The following BIRC5 variants were observed in gnomAD, a reference collection of about 807,000 sequenced individuals.
BIRC5 encodes the protein baculoviral IAP repeat containing 5.
BIRC5 carries 8 observed loss-of-function variants against 15.8 expected under a neutral mutation model. The observed-to-expected ratio is 0.51, with a 90% CI of 0.30 to 0.91. The LOEUF is 0.91. Among genes scored for constraint, BIRC5 ranks in the 40% least tolerant of loss-of-function variants. The pLI, the probability that BIRC5 is intolerant of heterozygous loss-of-function variation, is 0.07. For synonymous variants in BIRC5, 56 were observed against 64.5 expected (o/e 0.87, Z 0.63); for missense variants, 163 against 178.6 (o/e 0.91, Z 0.50).
rs369792774 is a variant in BIRC5, at chr17:78,223,774, TTCTC to T, written c.*234_*237del. The T allele has an allele frequency of 4.0e-4, 387 of 960,434 alleles. No individual in the cohort carries two copies. The East Asian group carries it at 6.1e-3, about 15-fold the overall frequency. The allele number at this position is 960,434 out of a possible 1,614,324, so 59.5% of individuals were successfully genotyped here. The stretch of plus-strand genomic sequence containing the variant: ...GGGTGCTGCTGGTAACAGTGGCTGC[TTCTC>T]TCTCTCTCTCTCTTTTTTGGGGGCT... On this transcript the variant is annotated 3_prime_UTR_variant, in exon 4 of 4. Transcript: ENST00000350051.
intron 3 of BIRC5, chr17:78,222,678 AT>A (rs200874209): frequency 3.8e-5 from 46 of 1,206,978 alleles, no homozygotes; most frequent in Middle Eastern, 2.1e-4. Context: ...AAAAAAAGTA[AT>A]TTTTTTTAAG....
At position 78,214,284 on chromosome 17, in the gene BIRC5, G is replaced by A; in HGVS notation, c.-33G>A. On this transcript the variant is annotated 5_prime_UTR_variant, in exon 1 of 4. Transcript: ENST00000350051. Reference sequence around the variant, plus strand: ...CGCCATTAACCGCCAGATTTGAATCGCGGGACCCGTTGGCAGAGGTGGCGG... The same window carrying A: ...CGCCATTAACCGCCAGATTTGAATCACGGGACCCGTTGGCAGAGGTGGCGG... 1.3e-6 allele frequency: 2 copies of A among 1,576,332 alleles called. No individual in the cohort carries two copies. Among genetic ancestry groups the A allele is most frequent in the Non-Finnish European group, 1.7e-6 (2 of 1,157,610 alleles).
chr17:78,222,833 A>G, intron 3 of BIRC5: 1 of 1,536,040 alleles, frequency 6.5e-7, no homozygotes, highest in Non-Finnish European at 8.7e-7. Context: ...CTTAGGAGAG[A>G]GCTCTGTTAG....
intron 3 of BIRC5, among the ~76,000 whole-genome samples, chr17:78,218,259 A>C (rs890707768): frequency 6.6e-6 from 1 of 151,438 alleles, no homozygotes; most frequent in Non-Finnish European, 1.5e-5. Flanking sequence ...GTTGAAATGT[A>C]ACTGGGCTTT....
chr17:78,222,897 T>C (rs962050279), intron 3 of BIRC5: 1 of 1,535,638 alleles, frequency 6.5e-7, no homozygotes, highest in African/African-American at 1.4e-5. Flanking sequence ...GCAAAAGAAT[T>C]TCTGTTCGAG....
chr17:78,219,736 G>A (rs1349160871), intron 3 of BIRC5, among the ~76,000 whole-genome samples: 1 of 152,142 alleles, frequency 6.6e-6, no homozygotes. Context: ...GTCTTTTGTT[G>A]TTTTTCACAA....
At chr17:78,214,902 T>C (rs1599027127) in intron 2 of BIRC5, 113 bp downstream of exon 2, 1 of 966,070 alleles carries the variant, frequency 1.0e-6, no homozygotes, top group Non-Finnish European at 1.6e-6. Flanking sequence ...TCATTGCTTC[T>C]TAAACAGCTG....
At position 78,214,351 on chromosome 17, in the gene BIRC5, C is replaced by G. The variant is rs1314138513; in HGVS notation, c.35C>G (p.Pro12Arg). ...CCGACGTTGCCCCCTGCCTGGCAGC[C>G]CTTTCTCAAGGACCACCGCATCTCT... ...GAPTLPPAWQ[P>R]FLKDHRISTF... The change falls in exon 1 of 4, where the codon CCC becomes CGC. Residue 12 changes from proline to arginine, a missense_variant. Transcript: ENST00000350051. The G allele has an allele frequency of 7.5e-6, 12 of 1,608,848 alleles. No individual in the cohort carries two copies. The South Asian group carries it at 9.9e-5, about 13-fold the overall frequency.
At position 78,216,721 on chromosome 17, in the gene BIRC5, T is replaced by G; in HGVS notation, c.279T>G (p.Phe93Leu). ...GCAFLSVKKQ[F>L]EELTLGEFLK... The stretch of plus-strand genomic sequence containing the variant: ...CTTTCCTTTCTGTCAAGAAGCAGTT[T>G]GAAGAATTAACCCTTGGTGAATTTT... Residue 93 changes from phenylalanine (F) to leucine (L), a missense_variant, in exon 3 of 4, where the codon TTT becomes TTG. Coordinates refer to ENST00000350051, the MANE Select transcript of BIRC5 (RefSeq NM_001168.3). The G allele has an allele frequency of 6.2e-7, 1 of 1,614,064 alleles. No homozygotes were observed. Among genetic ancestry groups the G allele is most frequent in the South Asian group, 1.1e-5 (1 of 91,084 alleles).
In BIRC5 at chr17:78,225,073, TACTTC is replaced by T. The variant is rs991842254; in HGVS notation, c.*1524_*1528del. The T allele has an allele frequency of 7.9e-5, 12 of 152,270 alleles. No homozygotes were observed. Among genetic ancestry groups the T allele is most frequent in the Non-Finnish European group, 8.8e-5 (6 of 68,050 alleles). 9.4% of individuals were successfully genotyped at this position (152,270 alleles called of 1,614,324 possible). ...ATATTTGTGTCAGTCTGTAAATGGA[TACTTC>T]ACTTTAATAACTGTTGCTTAGTAAT... On this transcript the variant is annotated 3_prime_UTR_variant, in exon 4 of 4. Coordinates refer to ENST00000350051, the MANE Select transcript of BIRC5 (RefSeq NM_001168.3).
chr17:78,215,715 G>A (rs548429383), intron 2 of BIRC5, among the ~76,000 whole-genome samples: 163 of 151,530 alleles, frequency 1.1e-3, no homozygotes, highest in African/African-American at 3.8e-3. Context: ...CTGCATCCCC[G>A]TAATCACTGG....
intron 3 of BIRC5, among the ~76,000 whole-genome samples, chr17:78,221,774 G>T (rs1223974316): frequency 1.3e-5 from 2 of 152,148 alleles, no homozygotes; most frequent in Non-Finnish European, 2.9e-5. Flanking sequence ...CTAATTTAAG[G>T]CTTTTTTGAA....
rs180871252 is a variant in BIRC5, at chr17:78,218,537, G to A, written c.339+1756G>A. Among the ~76,000 whole-genome samples the A allele has an allele frequency of 8.6e-4, 130 of 150,334 alleles. 3 individuals carry two copies. The East Asian group carries it at 0.013, about 15-fold the overall frequency. ...AAACTCCTGACCTTGTGATCTGCCC[G>A]CTTTAGCCTCCCAGAGTGCTGGGAT... is the stretch of plus-strand genomic sequence containing the variant. On this transcript the variant is annotated intron_variant, in intron 3 of 3. Transcript: ENST00000350051.
intron 2 of BIRC5, chr17:78,216,435 C>CAT (rs1454761179): frequency 2.2e-6 from 1 of 449,278 alleles, no homozygotes; most frequent in East Asian, 3.8e-5. Flanking sequence ...ATACATTAGC[C>CAT]ACACAGATGT....
intron 3 of BIRC5, chr17:78,222,852 A>C: frequency 6.5e-7 from 1 of 1,536,082 alleles, no homozygotes. Context: ...AGCAGAATGA[A>C]AAAATTGGAA....
At position 78,214,740 on chromosome 17, in the gene BIRC5, T is replaced by C. The variant is rs1291689734; in HGVS notation, c.172T>C (p.Phe58Leu). ...GAACGAGCCAGACTTGGCCCAGTGT[T>C]TCTTCTGCTTCAAGGAGCTGGAAGG... ...TENEPDLAQC[F>L]FCFKELEGWE... Residue 58 changes from phenylalanine to leucine, a missense_variant, in exon 2 of 4, where the codon TTC (phenylalanine) becomes CTC (leucine). Coordinates refer to ENST00000350051, the MANE Select transcript of BIRC5 (RefSeq NM_001168.3). 6.2e-7 allele frequency: 1 copy of C among 1,613,186 alleles called. No homozygotes were observed. The highest frequency in any genetic ancestry group is 2.2e-5 in the East Asian group (1 of 44,836).
At position 78,224,062 on chromosome 17, in the gene BIRC5, TTG is replaced by T. The variant is rs1491356209; in HGVS notation, c.*510_*511del. On this transcript the variant is annotated 3_prime_UTR_variant, in exon 4 of 4. Coordinates refer to ENST00000350051, the MANE Select transcript of BIRC5 (RefSeq NM_001168.3). ...ACAGTTTTTTTGTTGTTGTGTTTTT[TTG>T]TTTTTTTTTTTTTGGTAGATGCATG... The T allele has an allele frequency of 0.28, 41,170 of 144,960 alleles. 6,270 individuals carry two copies. Among genetic ancestry groups the T allele is most frequent in the African/African-American group, 0.39 (14,612 of 37,796 alleles). 9.0% of individuals were successfully genotyped at this position (144,960 alleles called of 1,614,324 possible).
chr17:78,220,502 C>T (rs2076508045), intron 3 of BIRC5, among the ~76,000 whole-genome samples: 1 of 151,944 alleles, frequency 6.6e-6, no homozygotes, highest in Non-Finnish European at 1.5e-5. Flanking sequence ...AGGCCTCAGT[C>T]CCTGCAGGAG....
At chr17:78,221,605 G>C (rs1461420089) in intron 3 of BIRC5, among the ~76,000 whole-genome samples, 1 of 152,126 alleles carries the variant, frequency 6.6e-6, no homozygotes, top group East Asian at 1.9e-4. Context: ...AAAGTGCTGG[G>C]ATTACAGGCG....
Sources: allele counts gnomAD v4.1 joint callset (sites outside exome capture counted in the v4.1 genomes callset), GRCh38; gene constraint gnomAD v4.1.1; transcripts MANE v1.5; gene names NCBI Gene and HGNC (gene_info 2026-07-23, HGNC 2026-07-21).